The following DCDC1 variants were observed in gnomAD, a reference collection of about 807,000 sequenced individuals.
The protein encoded by DCDC1 is doublecortin domain-containing protein 1.
Under a neutral mutation model 178.3 loss-of-function variants are expected in DCDC1, and 200 were observed. The ratio of observed to expected loss-of-function variants is 1.12; its 90% CI spans 1.00 to 1.26. The LOEUF (loss-of-function observed/expected upper bound fraction) is 1.26. Among genes scored for constraint, DCDC1 ranks in the 50% most tolerant of loss-of-function variants. DCDC1 has a pLI of 0.00. For synonymous variants in DCDC1, 690 were observed against 604.8 expected (o/e 1.14, Z -2.07); for missense variants, 1,983 against 1,749.2 (o/e 1.13, Z -2.38).
intron 21 of DCDC1, among the ~76,000 whole-genome samples, chr11:30,933,272 T>G (rs1378454778): frequency 6.6e-6 from 1 of 152,074 alleles, no homozygotes; most frequent in Non-Finnish European, 1.5e-5. Flanking sequence ...TCATATACAT[T>G]TAAGAATAAG....
intron 27 of DCDC1, among the ~76,000 whole-genome samples, chr11:30,913,986 G>T (rs1945644514): frequency 6.6e-6 from 1 of 152,200 alleles, no homozygotes; most frequent in African/African-American, 2.4e-5. Flanking sequence ...TAAATACAAT[G>T]TAGAAATGAG....
rs370077155 is a variant in DCDC1, at chr11:30,990,269, C to T, written c.2592-37701G>A. On this transcript the variant is annotated intron_variant, in intron 20 of 38. Transcript: ENST00000684477. The stretch of plus-strand genomic sequence containing the variant: ...GAGATACAAAAACATTCTTCTTATT[C>T]CTGTAAGATCTCATTTGAAGATATG... 3.6e-4 allele frequency among the ~76,000 whole-genome samples: 55 copies of T among 152,172 alleles called. No individual in the cohort carries two copies. In the South Asian group the frequency reaches 0.011, roughly 31 times the overall value.
chr11:31,180,900 G>A (rs1394161794), intron 9 of DCDC1, among the ~76,000 whole-genome samples: 1 of 152,016 alleles, frequency 6.6e-6, no homozygotes, highest in Non-Finnish European at 1.5e-5. Context: ...CTGAAGCCAG[G>A]GAGACAAGTG....
chr11:31,245,465 C>A (rs1346884754), intron 8 of DCDC1, among the ~76,000 whole-genome samples: 1 of 151,656 alleles, frequency 6.6e-6, no homozygotes, highest in Non-Finnish European at 1.5e-5. Flanking sequence ...AAAATTTGAT[C>A]TGAATTTGTT....
chr11:31,067,483 A>G (rs1956311491), intron 18 of DCDC1, among the ~76,000 whole-genome samples: 1 of 152,200 alleles, frequency 6.6e-6, no homozygotes, highest in Admixed American at 6.5e-5. Flanking sequence ...CAGCTTGGCT[A>G]GTCCTCAAAA....
chr11:31,226,708 T>TAAA (rs35522659), intron 9 of DCDC1, among the ~76,000 whole-genome samples: 1 of 131,000 alleles, frequency 7.6e-6, no homozygotes, highest in Non-Finnish European at 1.6e-5. Context: ...ATCTCATCTC[T>TAAA]AAAAAAAAAA....
At chr11:31,210,303 T>C (rs1356087225) in intron 9 of DCDC1, among the ~76,000 whole-genome samples, 1 of 152,206 alleles carries the variant, frequency 6.6e-6, no homozygotes, top group Non-Finnish European at 1.5e-5. Context: ...TGTTCCCAGT[T>C]CCAGAAAGGT....
chr11:30,946,270 A>T (rs944143135), intron 21 of DCDC1, among the ~76,000 whole-genome samples: 1 of 152,152 alleles, frequency 6.6e-6, no homozygotes, highest in Non-Finnish European at 1.5e-5. Flanking sequence ...CTCTGGTTTT[A>T]GCCTCATCCT....
intron 20 of DCDC1, among the ~76,000 whole-genome samples, chr11:30,963,120 G>T (rs1236612597): frequency 6.6e-6 from 1 of 152,094 alleles, no homozygotes; most frequent in East Asian, 1.9e-4. Flanking sequence ...CAAGATAAAT[G>T]AATGCTCTCT....
chr11:30,920,584 C>T (rs1416539762), intron 25 of DCDC1, among the ~76,000 whole-genome samples, 192 bp downstream of exon 25: 2 of 152,132 alleles, frequency 1.3e-5, no homozygotes, highest in Non-Finnish European at 2.9e-5. Flanking sequence ...AAATAGATCA[C>T]TGTGATGGTT....
chr11:31,296,017 C>T (rs548745669), intron 6 of DCDC1, among the ~76,000 whole-genome samples: 15 of 152,230 alleles, frequency 9.9e-5, no homozygotes, highest in Admixed American at 9.2e-4. Flanking sequence ...CCTAAGACAT[C>T]AATTTTATCA....
intron 34 of DCDC1, among the ~76,000 whole-genome samples, chr11:30,898,267 AAC>A (rs1944386115): frequency 1.3e-5 from 2 of 152,178 alleles, no homozygotes; most frequent in African/African-American, 4.8e-5. Context: ...TGATAACTTC[AAC>A]TTCAGAATGT....
At chr11:31,301,197 A>G (rs2137536170) in intron 6 of DCDC1, among the ~76,000 whole-genome samples, 1 of 152,338 alleles carries the variant, frequency 6.6e-6, no homozygotes, top group African/African-American at 2.4e-5. Flanking sequence ...ACATAATGCC[A>G]TCTTCCTCCT....
At chr11:30,981,001 A>G (rs1411504954) in intron 20 of DCDC1, among the ~76,000 whole-genome samples, 2 of 152,198 alleles carry the variant, frequency 1.3e-5, no homozygotes, top group Non-Finnish European at 2.9e-5. Flanking sequence ...CCACGAATAC[A>G]ACATAGCCAT....
rs151234137 is a variant in DCDC1, at chr11:31,253,898, G to A, written c.1054+11609C>T. Among the ~76,000 whole-genome samples the A allele has an allele frequency of 8.4e-4, 128 of 152,290 alleles. 1 individual carries two copies. Among genetic ancestry groups the A allele is most frequent in the African/African-American group, 3.0e-3 (123 of 41,566 alleles). On this transcript the variant is annotated intron_variant, in intron 8 of 38. Transcript: ENST00000684477. ...CACCTTATTCATGTCAGGTTTAGCT[G>A]TGTCACTTGCAATGCTCTTCCCCGT...
chr11:30,973,195 C>G (rs562166805), intron 20 of DCDC1, among the ~76,000 whole-genome samples: 10 of 147,016 alleles, frequency 6.8e-5, no homozygotes, highest in East Asian at 6.0e-4. Flanking sequence ...TCACTTGAAC[C>G]GGGGAGGTGG....
intron 9 of DCDC1, among the ~76,000 whole-genome samples, chr11:31,139,550 A>T (rs1292916369): frequency 6.6e-6 from 1 of 152,210 alleles, no homozygotes; most frequent in Non-Finnish European, 1.5e-5. Flanking sequence ...ATTCTTTACA[A>T]AATTTATTTC....
chr11:30,900,234 G>T, intron 33 of DCDC1, 112 bp downstream of exon 33: 1 of 963,738 alleles, frequency 1.0e-6, no homozygotes, highest in African/African-American at 1.7e-5. Flanking sequence ...TAAATGTGAT[G>T]TTATTATGTT....
chr11:31,234,304 T>A (rs560172578), intron 9 of DCDC1, among the ~76,000 whole-genome samples: 2 of 152,318 alleles, frequency 1.3e-5, no homozygotes, highest in South Asian at 4.1e-4. Context: ...AATTCCCACC[T>A]TTTGCAACAT....
Sources: allele counts gnomAD v4.1 joint callset (sites outside exome capture counted in the v4.1 genomes callset), GRCh38; gene constraint gnomAD v4.1.1; transcripts MANE v1.5; gene names NCBI Gene and HGNC (gene_info 2026-07-23, HGNC 2026-07-21).